THADA: variants seen among roughly 807,000 people sequenced by gnomAD.
THADA encodes THADA armadillo repeat containing, also known as tRNA (32-2'-O)-methyltransferase regulator THADA.
In THADA, 213 loss-of-function variants were observed where a neutral mutation model predicts 219.8. The observed-to-expected ratio is 0.97, with a 90% CI of 0.87 to 1.09. The LOEUF is 1.09. Ranked by LOEUF, THADA falls within the 50% of genes least tolerant of loss-of-function variation. The probability of loss-of-function intolerance (pLI) is 0.00; values close to 1 mark genes in which losing one functional copy is unlikely to be tolerated. For missense variants in THADA, 2,956 were observed against 2,311.3 expected (o/e 1.28, Z -5.72); for synonymous variants, 1,018 against 828.9 (o/e 1.23, Z -3.92).
chr2:43,513,444 C>T (rs1690751117), intron 22 of THADA, among the ~76,000 whole-genome samples: 1 of 152,162 alleles, frequency 6.6e-6, no homozygotes, highest in Admixed American at 6.5e-5. Context: ...GATTTAGAAG[C>T]AGTAGTGGCA....
chr2:43,242,572 A>G (rs1400977278), intron 36 of THADA, among the ~76,000 whole-genome samples: 2 of 151,904 alleles, frequency 1.3e-5, no homozygotes, highest in African/African-American at 4.8e-5. Flanking sequence ...GCTCACTACA[A>G]CCTCCATCTC....
At chr2:43,439,946 T>A (rs955779008) in intron 26 of THADA, among the ~76,000 whole-genome samples, 6 of 152,232 alleles carry the variant, frequency 3.9e-5, no homozygotes, top group African/African-American at 1.4e-4. Context: ...CCTTACTCCT[T>A]TCCAAATTAC....
chr2:43,515,005 A>T lies in THADA; in HGVS notation c.3375-6225T>A, dbSNP rs192316741. 6.3e-4 allele frequency among the ~76,000 whole-genome samples: 21 copies of T among 33,226 alleles called. 1 individual carries two copies. The highest frequency in any genetic ancestry group is 2.0e-3 in the African/African-American group (17 of 8,636). 21.8% of individuals were successfully genotyped at this position (33,226 alleles called of 152,430 possible). Reference sequence around the variant, plus strand: ...CATTTTATATATAATATATAATATTATATATATTATATATTTTATATATAA... The same window carrying T: ...CATTTTATATATAATATATAATATTTTATATATTATATATTTTATATATAA... On this transcript the variant is annotated intron_variant, in intron 22 of 37. Transcript: ENST00000405975.
At chr2:43,400,388 C>T (rs1674652051) in intron 28 of THADA, among the ~76,000 whole-genome samples, 4 of 149,096 alleles carry the variant, frequency 2.7e-5, no homozygotes. Context: ...AAGTAACATT[C>T]ATTATAAAGC....
chr2:43,521,320 C>T (rs1322177160), intron 22 of THADA, among the ~76,000 whole-genome samples: 2 of 151,982 alleles, frequency 1.3e-5, no homozygotes, highest in Non-Finnish European at 1.5e-5. Flanking sequence ...TTTGGGAGGC[C>T]GAGGCAGGTG....
intron 29 of THADA, among the ~76,000 whole-genome samples, chr2:43,384,712 T>A (rs1431589536): frequency 6.6e-6 from 1 of 152,168 alleles, no homozygotes; most frequent in Admixed American, 6.5e-5. Context: ...ATGCCTGTAA[T>A]CCCAGCACTT....
chr2:43,505,918 C>A (rs141430953), intron 23 of THADA, among the ~76,000 whole-genome samples, 183 bp from the exon 24 acceptor site: 1 of 152,316 alleles, frequency 6.6e-6, no homozygotes, highest in East Asian at 1.9e-4. Flanking sequence ...CCTACAGATT[C>A]TTCATCGCTA....
Position 43,480,249 on chromosome 2 carries a change from G to A in THADA, c.3836+4985C>T, listed in dbSNP as rs145226426. ...GCCTACCTCGCAGAGCTGTGATCTC[G>A]GCTAAGTTAGACATGTATAAAGGGT... On this transcript the variant is annotated intron_variant, in intron 26 of 37. Coordinates refer to ENST00000405975, the MANE Select transcript of THADA (RefSeq NM_022065.5). Among the ~76,000 whole-genome samples the A allele has an allele frequency of 1.3e-3, 194 of 152,250 alleles. 1 individual carries two copies. The highest frequency in any genetic ancestry group is 3.3e-3 in the Admixed American group (50 of 15,300).
At chr2:43,447,892 C>T (rs987795260) in intron 26 of THADA, among the ~76,000 whole-genome samples, 9 of 152,122 alleles carry the variant, frequency 5.9e-5, no homozygotes, top group Non-Finnish European at 1.2e-4. Flanking sequence ...TGCATATATC[C>T]CAATTTACAA....
chr2:43,572,299 C>A (rs1699385232), intron 12 of THADA, among the ~76,000 whole-genome samples: 2 of 152,186 alleles, frequency 1.3e-5, no homozygotes, highest in Non-Finnish European at 2.9e-5. Context: ...GTAAAACCAG[C>A]TGGTGCCTGG....
In THADA at chr2:43,420,698, A is replaced by G. The variant is rs189152530; in HGVS notation, c.4058+7402T>C. Among the ~76,000 whole-genome samples, 184 of 152,360 alleles carry G rather than the reference A, an allele frequency of 1.2e-3. 1 individual carries two copies. The highest frequency in any genetic ancestry group is 4.4e-3 in the African/African-American group (181 of 41,570). ...AAAAACATATTTAGAAAATGGTCTT[A>G]AAGAGATCTGGCACCAGAAATGAAG... is the stretch of plus-strand genomic sequence containing the variant. On this transcript the variant is annotated intron_variant, in intron 28 of 37. Transcript: ENST00000405975.
intron 26 of THADA, among the ~76,000 whole-genome samples, chr2:43,470,540 A>AT (rs1032845701): frequency 5.9e-5 from 9 of 152,198 alleles, no homozygotes; most frequent in African/African-American, 1.9e-4. Context: ...TATAAGCGAA[A>AT]AAGGGAGGAT....
chr2:43,274,586 T>C (rs892241395), intron 36 of THADA, among the ~76,000 whole-genome samples: 4 of 152,120 alleles, frequency 2.6e-5, no homozygotes, highest in African/African-American at 7.2e-5. Context: ...AATAACCAAA[T>C]GCTGCAGCGG....
chr2:43,560,245 C>T lies in THADA; in HGVS notation c.2452G>A (p.Val818Ile). The change falls in exon 16 of 38, where the codon GTA becomes ATA. Residue 818 changes from valine (V) to isoleucine (I), a missense_variant. Coordinates refer to ENST00000405975, the MANE Select transcript of THADA (RefSeq NM_022065.5). ...AAAAGTCCTGATACCTGAAAATGTA[C>T]AGCTGTTTTTGATAACTTCATCAGA... ...DLLMKLSKTA[V>I]HFQDSGKLQG... is the part of the protein sequence containing the mutation. The T allele has an allele frequency of 2.5e-6, 4 of 1,611,106 alleles. No individual in the cohort carries two copies. The highest frequency in any genetic ancestry group is 3.4e-6 in the Non-Finnish European group (4 of 1,178,928).
At chr2:43,388,345 A>G (rs1004676920) in intron 29 of THADA, among the ~76,000 whole-genome samples, 1 of 152,190 alleles carries the variant, frequency 6.6e-6, no homozygotes, top group African/African-American at 2.4e-5. Context: ...ATTCAGAATT[A>G]TCGTCAGTCA....
chr2:43,390,181 G>A (rs1673188648), intron 29 of THADA, among the ~76,000 whole-genome samples: 1 of 152,194 alleles, frequency 6.6e-6, no homozygotes, highest in East Asian at 1.9e-4. Flanking sequence ...AACCATGACA[G>A]ACTGACGGTA....
At chr2:43,541,388 T>G in intron 20 of THADA, 72 bp from the exon 21 acceptor site, 3 of 1,562,560 alleles carry the variant, frequency 1.9e-6, no homozygotes, top group Non-Finnish European at 1.7e-6. Context: ...ACAAGCTTAT[T>G]CATAATTTCC....
At chr2:43,401,178 A>G (rs890250175) in intron 28 of THADA, among the ~76,000 whole-genome samples, 1 of 151,986 alleles carries the variant, frequency 6.6e-6, no homozygotes, top group Non-Finnish European at 1.5e-5. Context: ...GTGTCTTAAA[A>G]CCTCTAGCCC....
At chr2:43,401,804 C>A (rs1481702011) in intron 28 of THADA, among the ~76,000 whole-genome samples, 3 of 152,142 alleles carry the variant, frequency 2.0e-5, no homozygotes, top group Non-Finnish European at 4.4e-5. Context: ...AGACTGTGAT[C>A]CAGAGCTCTC....
Sources: allele counts gnomAD v4.1 joint callset (sites outside exome capture counted in the v4.1 genomes callset), GRCh38; gene constraint gnomAD v4.1.1; transcripts MANE v1.5; gene names NCBI Gene and HGNC (gene_info 2026-07-23, HGNC 2026-07-21).